Variants in MAP3K15 observed in about 807,000 individuals in gnomAD.
MAP3K15 encodes MAPK/ERK kinase kinase 15.
A neutral mutation model predicts 99.5 loss-of-function variants in MAP3K15; 124 were observed. The observed-to-expected ratio is 1.25, with a 90% confidence interval of 1.08 to 1.45. The LOEUF is 1.45. MAP3K15 is among the 40% of genes most tolerant of loss of function. MAP3K15 has a pLI of 0.00. For synonymous variants in MAP3K15, 494 were observed against 439.6 expected (o/e 1.12, Z -1.55); for missense variants, 1,242 against 1,079.7 (o/e 1.15, Z -2.11).
At chrX:19,417,570 T>A (rs1483865837) in intron 9 of MAP3K15, among the ~76,000 whole-genome samples, 2 of 111,735 alleles carry the variant, frequency 1.8e-5, no homozygotes, top group African/African-American at 6.5e-5. Context: ...GGAGCCCACC[T>A]CAGCTCAAGG....
At chrX:19,434,173 T>C (rs1260217292) in intron 6 of MAP3K15, among the ~76,000 whole-genome samples, 5 of 111,777 alleles carry the variant, frequency 4.5e-5, no homozygotes, top group Non-Finnish European at 7.5e-5. Context: ...ATTTTATTAA[T>C]AACCATTCTA....
At chrX:19,456,733 C>G (rs16997307) in intron 6 of MAP3K15, among the ~76,000 whole-genome samples, 180 bp downstream of exon 6, 3,246 of 111,725 alleles carry the variant, frequency 0.029, 118 homozygotes, top group African/African-American at 0.099. Flanking sequence ...TGTTCAATCT[C>G]ACAGCTAGAA....
At chrX:19,372,531 A>G (rs2063382913) in intron 22 of MAP3K15, 122 bp downstream of exon 22, 1 of 588,572 alleles carries the variant, frequency 1.7e-6, no homozygotes, top group African/African-American at 2.3e-5. Context: ...ATTTACAGTG[A>G]TCACCGTAAC....
chrX:19,511,729 A>G (rs2064520231), intron 1 of MAP3K15, among the ~76,000 whole-genome samples: 2 of 112,097 alleles, frequency 1.8e-5, no homozygotes, highest in South Asian at 7.4e-4. Flanking sequence ...GGGAGTGTGA[A>G]TTAGTTCAAC....
At chrX:19,432,572 G>GA (rs1445750976) in intron 6 of MAP3K15, among the ~76,000 whole-genome samples, 2 of 104,626 alleles carry the variant, frequency 1.9e-5, no homozygotes, top group Admixed American at 2.1e-4. Flanking sequence ...AAAAAAAAAA[G>GA]AAAGAAAAGA....
At chrX:19,397,173 G>A (rs937197387) in intron 15 of MAP3K15, among the ~76,000 whole-genome samples, 2 of 110,772 alleles carry the variant, frequency 1.8e-5, no homozygotes, top group African/African-American at 6.6e-5. Flanking sequence ...CAAAGTGCTG[G>A]GATTACAGGC....
intron 20 of MAP3K15, among the ~76,000 whole-genome samples, chrX:19,374,162 C>G (rs1372494299): frequency 9.0e-6 from 1 of 111,170 alleles, no homozygotes; most frequent in Non-Finnish European, 1.9e-5. Flanking sequence ...GGTGAAGACG[C>G]AGAACCCCAG....
intron 6 of MAP3K15, among the ~76,000 whole-genome samples, chrX:19,452,265 G>A (rs1235876236): frequency 2.6e-3 from 1 of 387 alleles, no homozygotes; most frequent in African/African-American, 0.043. Flanking sequence ...GAAGAGAAGA[G>A]AAGAGAAGAG....
At chrX:19,440,206 T>C (rs1225253229) in intron 6 of MAP3K15, among the ~76,000 whole-genome samples, 1 of 112,296 alleles carries the variant, frequency 8.9e-6, no homozygotes, top group Non-Finnish European at 1.9e-5. Context: ...AGCTTCCTGC[T>C]GATGCTAACT....
chrX:19,495,321 A>G (rs998431062), intron 1 of MAP3K15, among the ~76,000 whole-genome samples: 11 of 111,807 alleles, frequency 9.8e-5, no homozygotes, highest in Non-Finnish European at 1.9e-4. Flanking sequence ...TTGAAGTGTC[A>G]CTTAAATCTT....
intron 18 of MAP3K15, among the ~76,000 whole-genome samples, chrX:19,381,195 G>A (rs1366972911): frequency 1.8e-5 from 2 of 112,069 alleles, no homozygotes; most frequent in African/African-American, 3.2e-5. Context: ...ATGCCAAGAC[G>A]AGATGAGACA....
intron 18 of MAP3K15, among the ~76,000 whole-genome samples, chrX:19,388,316 T>C (rs1281837421): frequency 1.8e-5 from 2 of 111,962 alleles, no homozygotes; most frequent in Non-Finnish European, 3.8e-5. Context: ...ATTATGACTT[T>C]CTCTGTTATG....
chrX:19,401,241 C>G (rs1308233609), intron 13 of MAP3K15, among the ~76,000 whole-genome samples: 1 of 109,416 alleles, frequency 9.1e-6, no homozygotes. Flanking sequence ...GTCGCCCAGG[C>G]TGGAGTGCAG....
chrX:19,440,444 G>C (rs945218635), intron 6 of MAP3K15, among the ~76,000 whole-genome samples: 1 of 112,671 alleles, frequency 8.9e-6, no homozygotes, highest in Non-Finnish European at 1.9e-5. Context: ...CTGTGTCTTA[G>C]TGTGAACAAT....
chrX:19,369,852 G>A (rs2063361749), intron 24 of MAP3K15, among the ~76,000 whole-genome samples: 1 of 110,569 alleles, frequency 9.0e-6, no homozygotes, highest in Non-Finnish European at 1.9e-5. Context: ...GGAGGTTGCA[G>A]TGAGGCGAGA....
chrX:19,367,844 G>C (rs1429284285), intron 25 of MAP3K15, among the ~76,000 whole-genome samples: 1 of 94,277 alleles, frequency 1.1e-5, no homozygotes, highest in Admixed American at 1.2e-4. Context: ...CGCCTCCCGG[G>C]TTCAAGCAAT....
At chrX:19,408,201 T>C (rs1202942891) in intron 12 of MAP3K15, among the ~76,000 whole-genome samples, 2 of 111,279 alleles carry the variant, frequency 1.8e-5, no homozygotes, top group East Asian at 5.6e-4. Flanking sequence ...GTCACATGGG[T>C]CCCGGGGAGG....
intron 1 of MAP3K15, among the ~76,000 whole-genome samples, chrX:19,503,985 G>A (rs1048742031): frequency 2.8e-5 from 3 of 107,258 alleles, no homozygotes; most frequent in Non-Finnish European, 3.8e-5. Context: ...ACATAGTGGC[G>A]TGCACCTGTA....
intron 15 of MAP3K15, among the ~76,000 whole-genome samples, chrX:19,395,607 G>A (rs1199881257): frequency 7.2e-5 from 8 of 111,356 alleles, no homozygotes; most frequent in African/African-American, 1.6e-4. Context: ...CTGCCCTCTC[G>A]TCTTATTCTA....
Sources: allele counts gnomAD v4.1 joint callset (sites outside exome capture counted in the v4.1 genomes callset), GRCh38; gene constraint gnomAD v4.1.1; transcripts MANE v1.5; gene names NCBI Gene and HGNC (gene_info 2026-07-23, HGNC 2026-07-21).